The following SCAP variants were observed in gnomAD, a reference collection of about 807,000 sequenced individuals.
The protein encoded by SCAP is sterol regulatory element-binding protein cleavage-activating protein.
A neutral mutation model predicts 123.6 loss-of-function variants in SCAP; 65 were observed. The ratio of observed to expected loss-of-function variants is 0.53; its 90% CI spans 0.43 to 0.65. The LOEUF (loss-of-function observed/expected upper bound fraction) is 0.65, where lower values mean the gene tolerates loss of function less well. Among genes scored for constraint, SCAP ranks in the 30% least tolerant of loss-of-function variants. The pLI, the probability that SCAP is intolerant of heterozygous loss-of-function variation, is 0.00. For missense variants in SCAP, 1,398 were observed against 1,712.5 expected (o/e 0.82, Z 3.24); for synonymous variants, 740 against 726.3 (o/e 1.02, Z -0.30).
intron 1 of SCAP, among the ~76,000 whole-genome samples, chr3:47,462,390 C>T (rs1174343716): frequency 2.0e-5 from 3 of 152,098 alleles, no homozygotes. Flanking sequence ...TAAAGGCACA[C>T]GCAGTGAAGC....
chr3:47,462,055 C>T (rs1428184789), intron 1 of SCAP, among the ~76,000 whole-genome samples: 4 of 152,034 alleles, frequency 2.6e-5, no homozygotes, highest in Admixed American at 6.6e-5. Flanking sequence ...ATCTAGCATT[C>T]AGATTTAAAT....
intron 1 of SCAP, among the ~76,000 whole-genome samples, chr3:47,447,083 T>C (rs555783793): frequency 6.6e-6 from 1 of 152,300 alleles, no homozygotes; most frequent in East Asian, 1.9e-4. Flanking sequence ...CCTTCCTCCA[T>C]TGAATTGCTT....
chr3:47,461,244 A>G (rs1204962999), intron 1 of SCAP, among the ~76,000 whole-genome samples: 2 of 152,230 alleles, frequency 1.3e-5, no homozygotes, highest in Admixed American at 6.5e-5. Flanking sequence ...ACAGATAAAC[A>G]AATCACATCT....
rs139126796 is a variant in SCAP, at chr3:47,418,208, G to A, written c.2373C>T (p.Ser791=). 18 of 1,575,218 alleles carry A rather than the reference G, an allele frequency of 1.1e-5. No homozygotes were observed. Among genetic ancestry groups the A allele is most frequent in the Non-Finnish European group, 1.6e-5 (18 of 1,161,178 alleles). ...CLASDGMLLV[S]CCLAGHVCVW... Reference sequence around the variant, plus strand: ...CGCAGACGTGGCCTGCCAGGCAGCAGCTCACCAGCAGCATGCCGTCGCTGG... The same window carrying A: ...CGCAGACGTGGCCTGCCAGGCAGCAACTCACCAGCAGCATGCCGTCGCTGG... The change falls in exon 16 of 23, where the codon AGC becomes AGT. Residue 791 remains serine (S), a synonymous_variant. Coordinates refer to ENST00000265565, the MANE Select transcript of SCAP (RefSeq NM_012235.4).
At chr3:47,465,333 G>C (rs958938611) in intron 1 of SCAP, among the ~76,000 whole-genome samples, 1 of 152,098 alleles carries the variant, frequency 6.6e-6, no homozygotes, top group Non-Finnish European at 1.5e-5. Context: ...ACCACACCTG[G>C]ATAATTTTTG....
Position 47,417,070 on chromosome 3 carries a change from G to A in SCAP, c.3056+52C>T, listed in dbSNP as rs1419699622. ...AGAACTCAAGACTCAAGAGAGTATG[G>A]CCTAGCCAACAAAGGCTGGGGACAT... On this transcript the variant is annotated intron_variant, in intron 18 of 22. Transcript: ENST00000265565. 5 of 1,511,688 alleles carry A rather than the reference G, an allele frequency of 3.3e-6. No homozygotes were observed. In the South Asian group the frequency reaches 4.5e-5, roughly 14 times the overall value. 93.6% of individuals were successfully genotyped at this position (1,511,688 alleles called of 1,614,324 possible).
chr3:47,414,124 C>T (rs765589857), intron 22 of SCAP, 25 bp from the exon 23 acceptor site: 4 of 1,613,518 alleles, frequency 2.5e-6, no homozygotes, highest in Admixed American at 3.3e-5. Flanking sequence ...ATGACAAGCT[C>T]AGTCCTGAGT....
chr3:47,445,492 G>A (rs186580151), intron 1 of SCAP, among the ~76,000 whole-genome samples: 201 of 151,920 alleles, frequency 1.3e-3, no homozygotes, highest in African/African-American at 4.7e-3. Context: ...GTGATCCACC[G>A]CCTCGGCCTC....
At chr3:47,467,107 A>C (rs906695519) in intron 1 of SCAP, among the ~76,000 whole-genome samples, 1 of 152,026 alleles carries the variant, frequency 6.6e-6, no homozygotes, top group African/African-American at 2.4e-5. Flanking sequence ...AAGAAAAAAA[A>C]AAAAAAGTTA....
chr3:47,469,736 T>G, intron 1 of SCAP: 1 of 425,962 alleles, frequency 2.3e-6, no homozygotes, highest in Non-Finnish European at 4.5e-6. Flanking sequence ...CTCTTTCACC[T>G]TCTGCCATGA....
intron 1 of SCAP, among the ~76,000 whole-genome samples, chr3:47,448,312 G>C (rs139566246): frequency 1.3e-3 from 199 of 152,096 alleles, no homozygotes; most frequent in African/African-American, 4.7e-3. Context: ...CTTTTATCCT[G>C]CAACTGTCCT....
chr3:47,416,999 C>T, intron 18 of SCAP, 123 bp downstream of exon 18: 1 of 827,200 alleles, frequency 1.2e-6, no homozygotes, highest in Middle Eastern at 2.9e-4. Context: ...GAGCTGGGCA[C>T]CAAGAAGGTC....
chr3:47,425,374 T>C, intron 8 of SCAP, 111 bp downstream of exon 8: 2 of 1,160,028 alleles, frequency 1.7e-6, no homozygotes, highest in Non-Finnish European at 2.4e-6. Context: ...AAAACAACAA[T>C]GTGAAGACGT....
At chr3:47,418,921 C>T (rs1028914450) in intron 13 of SCAP, 78 bp from the exon 14 acceptor site, 2 of 1,379,196 alleles carry the variant, frequency 1.5e-6, no homozygotes, top group Non-Finnish European at 1.9e-6. Context: ...CCAGTCCTCT[C>T]CCTCCTCCCC....
At position 47,417,846 on chromosome 3, in the gene SCAP, A is replaced by AGTGAGAGGGGACACGGGGGAGGGGG; in HGVS notation, c.2448-21_2448-20insCCCCCTCCCCCGTGTCCCCTCTCAC. On this transcript the variant is annotated intron_variant, in intron 16 of 22. Coordinates refer to ENST00000265565, the MANE Select transcript of SCAP (RefSeq NM_012235.4). ...TGCCTGCTGGGGGCCAGGAGGGCGG[A>AGTGAGAGGGGACACGGGGGAGGGGG]GTGAGAGGGGGCACGGGGGAGGGGG... 2 of 1,082,776 alleles carry AGTGAGAGGGGACACGGGGGAGGGGG rather than the reference A, an allele frequency of 1.8e-6. No homozygotes were observed. Among genetic ancestry groups the AGTGAGAGGGGACACGGGGGAGGGGG allele is most frequent in the Non-Finnish European group, 2.3e-6 (2 of 869,154 alleles). 67.1% of individuals were successfully genotyped at this position (1,082,776 alleles called of 1,614,324 possible). A position where few individuals can be genotyped will look rare whatever the true frequency, so the allele number is the denominator to read the frequency against.
upstream of SCAP, chr3:47,476,047 G>A (rs1037030843): frequency 1.3e-5 from 2 of 151,976 alleles, no homozygotes; most frequent in Admixed American, 6.6e-5. Flanking sequence ...CGCGTCTCCC[G>A]TTCGCCCTCT....
Position 47,443,014 on chromosome 3 carries a change from C to T in SCAP, c.-21G>A, listed in dbSNP as rs1239827555. 1 of 1,612,860 alleles carries T rather than the reference C, an allele frequency of 6.2e-7. No homozygotes were observed. Among genetic ancestry groups the T allele is most frequent in the African/African-American group, 1.3e-5 (1 of 74,874 alleles). ...GTCATCCTCAGCCGAAGTCACCTTG[C>T]TGCCATCCCGGAAAGTGACCATGGA... On this transcript the variant is annotated 5_prime_UTR_variant, in exon 2 of 23. Coordinates refer to ENST00000265565, the MANE Select transcript of SCAP (RefSeq NM_012235.4).
chr3:47,424,779 C>T (rs1364950045), intron 8 of SCAP, among the ~76,000 whole-genome samples: 2 of 152,124 alleles, frequency 1.3e-5, no homozygotes, highest in East Asian at 1.9e-4. Context: ...AATACGACGT[C>T]GCTTTTCATA....
In SCAP at chr3:47,418,123, G is replaced by A; in HGVS notation, c.2447+11C>T. Reference sequence around the variant, plus strand: ...TGGGGGCACAAAGGAGGAAAGGGCAGCCGCACCTACCCTGGGCGCGGAATG... The same window carrying A: ...TGGGGGCACAAAGGAGGAAAGGGCAACCGCACCTACCCTGGGCGCGGAATG... On this transcript the variant is annotated intron_variant, in intron 16 of 22. Coordinates refer to ENST00000265565, the MANE Select transcript of SCAP (RefSeq NM_012235.4). 6.5e-7 allele frequency: 1 copy of A among 1,546,386 alleles called. No homozygotes were observed. Among genetic ancestry groups the A allele is most frequent in the South Asian group, 1.2e-5 (1 of 84,068 alleles).
Sources: gnomAD v4.1 joint callset for allele counts (sites outside exome capture counted in the v4.1 genomes callset) on GRCh38, gnomAD v4.1.1 for gene constraint, MANE v1.5 for transcripts, NCBI Gene and HGNC (gene_info 2026-07-23, HGNC 2026-07-21) for gene names.